SYT16: variants seen among roughly 807,000 people sequenced by gnomAD.
The protein encoded by SYT16 is synaptotagmin-16.
In SYT16, 42 loss-of-function variants were observed where a neutral mutation model predicts 61.4. That is an observed-to-expected ratio of 0.68 (90% CI 0.53 to 0.89). The LOEUF (loss-of-function observed/expected upper bound fraction) is 0.89, where lower values mean the gene tolerates loss of function less well. Ranked by LOEUF, SYT16 falls within the 40% of genes least tolerant of loss-of-function variation. The pLI is 0.00. For synonymous variants in SYT16, 314 were observed against 302.3 expected (o/e 1.04, Z -0.40); for missense variants, 804 against 807.3 (o/e 1.00, Z 0.05).
intron 3 of SYT16, among the ~76,000 whole-genome samples, chr14:62,045,979 G>A (rs1354707417): frequency 1.3e-5 from 2 of 152,128 alleles, no homozygotes; most frequent in African/African-American, 2.4e-5. Flanking sequence ...GTAATGGGAT[G>A]GCTGGGTCAA....
Position 62,111,770 on chromosome 14 carries a change from G to A in SYT16, c.*11063G>A, listed in dbSNP as rs2057613124. ...TCGTATGTGGTCCAGAGGTTCAAGA[G>A]AGAGAGAGAAAAAATTTCTCCTCAA... is the stretch of plus-strand genomic sequence containing the variant. On this transcript the variant is annotated 3_prime_UTR_variant, in exon 8 of 8. Coordinates refer to ENST00000683842, the MANE Select transcript of SYT16 (RefSeq NM_001367656.1). The A allele has an allele frequency of 1.3e-5, 2 of 152,042 alleles. No individual in the cohort carries two copies. Among genetic ancestry groups the A allele is most frequent in the African/African-American group, 4.8e-5 (2 of 41,430 alleles). 9.4% of individuals were successfully genotyped at this position (152,042 alleles called of 1,614,324 possible).
At position 61,997,828 on chromosome 14, in the gene SYT16, T is replaced by C. The variant is rs141224673; in HGVS notation, c.523+1286T>C. On this transcript the variant is annotated intron_variant, in intron 3 of 7. Transcript: ENST00000683842. ...TGATATGAATTTGGCATACCACTAA[T>C]TTTGCTAATTTTTGTAATTGTAAAA... Among the ~76,000 whole-genome samples the C allele has an allele frequency of 2.4e-4, 37 of 152,138 alleles. No individual in the cohort carries two copies. The East Asian group carries it at 4.6e-3, about 19-fold the overall frequency.
chr14:61,967,632 C>T (rs2140518300), intron 1 of SYT16, among the ~76,000 whole-genome samples: 2 of 152,160 alleles, frequency 1.3e-5, no homozygotes, highest in South Asian at 2.1e-4. Context: ...TTTTTGCTGT[C>T]TCATAAGGAC....
rs2057616893 is a variant in SYT16 at position 62,111,989 on chromosome 14, A to C, written c.*11282A>C. 1 of 152,142 alleles carries C rather than the reference A, an allele frequency of 6.6e-6. No homozygotes were observed. Among genetic ancestry groups the C allele is most frequent in the Non-Finnish European group, 1.5e-5 (1 of 67,966 alleles). 9.4% of individuals were successfully genotyped at this position (152,142 alleles called of 1,614,324 possible). ...CCATCCTATTTCTAAATTTACTTCT[A>C]TCAGTGGATAATTTGTGTATAGGAA... is the stretch of plus-strand genomic sequence containing the variant. On this transcript the variant is annotated 3_prime_UTR_variant, in exon 8 of 8. Coordinates refer to ENST00000683842, the MANE Select transcript of SYT16 (RefSeq NM_001367656.1).
chr14:61,885,509 T>G (rs1053102315), intron 1 of SYT16, among the ~76,000 whole-genome samples: 8 of 152,206 alleles, frequency 5.3e-5, no homozygotes. Context: ...GGTGGATGAA[T>G]CCTTGCACAT....
chr14:62,060,317 C>A (rs1044489328), intron 3 of SYT16, among the ~76,000 whole-genome samples: 1 of 151,906 alleles, frequency 6.6e-6, no homozygotes, highest in Non-Finnish European at 1.5e-5. Context: ...CATTTTGATG[C>A]TCTTTCTAAA....
Position 62,110,910 on chromosome 14 carries a change from C to G in SYT16, c.*10203C>G, listed in dbSNP as rs1030939488. 6 of 152,016 alleles carry G rather than the reference C, an allele frequency of 3.9e-5. No individual in the cohort carries two copies. Among genetic ancestry groups the G allele is most frequent in the African/African-American group, 1.2e-4 (5 of 41,442 alleles). The allele number at this position is 152,016 out of a possible 1,614,324, so 9.4% of individuals were successfully genotyped here. Reference sequence around the variant, plus strand: ...CTTTATTATTTTTCTTTTGAAGAATCAAACTTGTCCATCTCTCCCCTCCCA... The same window carrying G: ...CTTTATTATTTTTCTTTTGAAGAATGAAACTTGTCCATCTCTCCCCTCCCA... On this transcript the variant is annotated 3_prime_UTR_variant, in exon 8 of 8. Coordinates refer to ENST00000683842, the MANE Select transcript of SYT16 (RefSeq NM_001367656.1).
At chr14:62,086,359 A>G (rs1435488958) in intron 7 of SYT16, among the ~76,000 whole-genome samples, 1 of 152,194 alleles carries the variant, frequency 6.6e-6, no homozygotes, top group Non-Finnish European at 1.5e-5. Flanking sequence ...GCACGCCTGT[A>G]ATCCCAGCTA....
At chr14:61,876,431 C>G (rs1275402030) in intron 1 of SYT16, among the ~76,000 whole-genome samples, 1 of 152,142 alleles carries the variant, frequency 6.6e-6, no homozygotes, top group South Asian at 2.1e-4. Flanking sequence ...GTGAGTGACT[C>G]AGTTGTGGAG....
At chr14:61,903,436 G>C (rs1057492905) in intron 1 of SYT16, among the ~76,000 whole-genome samples, 4 of 152,134 alleles carry the variant, frequency 2.6e-5, no homozygotes, top group African/African-American at 7.2e-5. Flanking sequence ...TTAAATGTCT[G>C]TCTCCCTTCG....
At chr14:61,972,580 C>T (rs1470078022) in intron 2 of SYT16, among the ~76,000 whole-genome samples, 1 of 152,194 alleles carries the variant, frequency 6.6e-6, no homozygotes, top group Non-Finnish European at 1.5e-5. Flanking sequence ...TGACATTTCT[C>T]CTTTTACAAG....
At chr14:61,940,470 G>A (rs1341842759) in intron 1 of SYT16, among the ~76,000 whole-genome samples, 1 of 151,868 alleles carries the variant, frequency 6.6e-6, no homozygotes, top group Non-Finnish European at 1.5e-5. Flanking sequence ...ATTAAAATAG[G>A]GTCTTGAGCC....
intron 3 of SYT16, among the ~76,000 whole-genome samples, chr14:62,011,545 C>T (rs1001671454): frequency 2.6e-5 from 4 of 152,100 alleles, no homozygotes; most frequent in African/African-American, 9.7e-5. Context: ...GCCTAAGTCA[C>T]CTGCTACTTC....
At chr14:62,084,060 C>T (rs950613776) in intron 6 of SYT16, 136 bp from the exon 7 acceptor site, 47 of 974,514 alleles carry the variant, frequency 4.8e-5, no homozygotes, top group African/African-American at 1.0e-4. Flanking sequence ...TTGTAATTCA[C>T]GCCGAGTGCG....
chr14:61,919,657 T>A (rs547708670), intron 1 of SYT16, among the ~76,000 whole-genome samples: 7 of 152,208 alleles, frequency 4.6e-5, no homozygotes, highest in African/African-American at 7.2e-5. Context: ...TGTGATTCCA[T>A]TGGACCCATC....
At chr14:62,063,160 A>G (rs1005092427) in intron 3 of SYT16, among the ~76,000 whole-genome samples, 1 of 152,170 alleles carries the variant, frequency 6.6e-6, no homozygotes, top group Non-Finnish European at 1.5e-5. Flanking sequence ...TACAACCCAC[A>G]CTATCAGCTT....
At chr14:62,082,115 C>T (rs1256106426) in intron 6 of SYT16, among the ~76,000 whole-genome samples, 2 of 152,118 alleles carry the variant, frequency 1.3e-5, no homozygotes, top group Non-Finnish European at 2.9e-5. Flanking sequence ...GAACTCAAAG[C>T]ATCGAGAGAG....
chr14:62,022,270 G>A (rs1474959092), intron 3 of SYT16, among the ~76,000 whole-genome samples: 1 of 151,964 alleles, frequency 6.6e-6, no homozygotes, highest in Admixed American at 6.6e-5. Flanking sequence ...TGTTTGAAAT[G>A]TATTTTCCTT....
At chr14:61,878,684 G>A (rs1205477813) in intron 1 of SYT16, among the ~76,000 whole-genome samples, 1 of 152,152 alleles carries the variant, frequency 6.6e-6, no homozygotes, top group Non-Finnish European at 1.5e-5. Context: ...TTTTCAGCCT[G>A]TACTTGCCTC....
Sources: gnomAD v4.1 joint callset for allele counts (sites outside exome capture counted in the v4.1 genomes callset) on GRCh38, gnomAD v4.1.1 for gene constraint, MANE v1.5 for transcripts, NCBI Gene and HGNC (gene_info 2026-07-23, HGNC 2026-07-21) for gene names.